Variants in STUM observed in about 807,000 individuals in gnomAD.
The protein encoded by STUM is stum, mechanosensory transduction mediator homolog, also known as protein stum homolog.
A neutral mutation model predicts 15.3 loss-of-function variants in STUM; 8 were observed. The observed-to-expected ratio is 0.52, with a 90% CI of 0.31 to 0.94. The LOEUF is 0.94. Among genes scored for constraint, STUM ranks in the 40% least tolerant of loss-of-function variants. The pLI is 0.05. For missense variants in STUM, 142 were observed against 204.9 expected (o/e 0.69, Z 1.87); for synonymous variants, 78 against 88.7 (o/e 0.88, Z 0.68).
Position 226,549,191 on chromosome 1 carries a change from C to A in STUM, c.202+85C>A. 1 of 1,196,938 alleles carries A rather than the reference C, an allele frequency of 8.4e-7. No homozygotes were observed. 74.1% of individuals were successfully genotyped at this position (1,196,938 alleles called of 1,614,324 possible). The stretch of plus-strand genomic sequence containing the variant: ...GAGAGAAGGGCGCGGCCGGAGACCT[C>A]CTGGCGGGGCCGCGCGCTCCAAGTG... On this transcript the variant is annotated intron_variant, in intron 1 of 3. Coordinates refer to ENST00000366788, the MANE Select transcript of STUM (RefSeq NM_001003665.4). This position sits in a 1 kb window ranked among gnomAD's most constrained non-coding sequence, Gnocchi z 6.8.
intron 1 of STUM, among the ~76,000 whole-genome samples, chr1:226,569,826 G>C (rs1003785717): frequency 6.6e-6 from 1 of 152,174 alleles, no homozygotes; most frequent in Non-Finnish European, 1.5e-5. Context: ...TGGGATCTGC[G>C]CTGTCTGGTA....
intron 1 of STUM, among the ~76,000 whole-genome samples, chr1:226,555,155 T>A (rs2102685434): frequency 6.6e-6 from 1 of 152,330 alleles, no homozygotes; most frequent in East Asian, 1.9e-4. Context: ...ACCTCTAAAC[T>A]TTAGAGCTCC....
At chr1:226,586,706 C>T (rs1293081519) in intron 1 of STUM, among the ~76,000 whole-genome samples, 1 of 152,190 alleles carries the variant, frequency 6.6e-6, no homozygotes, top group African/African-American at 2.4e-5. Context: ...GTCTACCCAT[C>T]CATGGAAATG....
intron 1 of STUM, among the ~76,000 whole-genome samples, chr1:226,569,337 C>T (rs1287647075): frequency 6.6e-6 from 1 of 152,206 alleles, no homozygotes; most frequent in Non-Finnish European, 1.5e-5. Context: ...AGCCAGCCCT[C>T]CCATTCCAGC....
At position 226,605,434 on chromosome 1, in the gene STUM, G is replaced by C. The variant is rs1668340915; in HGVS notation, c.*3394G>C. 1 of 152,400 alleles carries C rather than the reference G, an allele frequency of 6.6e-6. No individual in the cohort carries two copies. Among genetic ancestry groups the C allele is most frequent in the Non-Finnish European group, 1.5e-5 (1 of 68,184 alleles). 9.4% of individuals were successfully genotyped at this position (152,400 alleles called of 1,614,324 possible). A position where few individuals can be genotyped will look rare whatever the true frequency, so the allele number is the denominator to read the frequency against. ...CCACACACTCACTACAGCACTCCCA[G>C]AAGAAGGAGCAGAATCGCATGCAGC... On this transcript the variant is annotated 3_prime_UTR_variant, in exon 4 of 4. Transcript: ENST00000366788. The surrounding 1 kb of genome is among the most constrained non-coding windows in gnomAD (Gnocchi z 4.0).
chr1:226,572,171 A>G (rs1040058550), intron 1 of STUM, among the ~76,000 whole-genome samples: 2 of 152,210 alleles, frequency 1.3e-5, no homozygotes, highest in Non-Finnish European at 2.9e-5. Context: ...CATCAAAGAA[A>G]CAGGCACCAT....
intron 1 of STUM, among the ~76,000 whole-genome samples, chr1:226,583,512 C>CA (rs1182233038): frequency 6.6e-6 from 1 of 152,202 alleles, no homozygotes; most frequent in Non-Finnish European, 1.5e-5. Flanking sequence ...CAAGCAAGCA[C>CA]ACATGTCTAT....
intron 1 of STUM, among the ~76,000 whole-genome samples, chr1:226,562,280 C>T (rs1314996264): frequency 6.6e-6 from 1 of 151,810 alleles, no homozygotes; most frequent in East Asian, 1.9e-4. Context: ...ACTGGCCTGG[C>T]CAGCGTGATG....
chr1:226,601,688 G>A (rs1167263773), intron 3 of STUM, among the ~76,000 whole-genome samples: 1 of 152,170 alleles, frequency 6.6e-6, no homozygotes, highest in Non-Finnish European at 1.5e-5. Flanking sequence ...TCTGCACTGG[G>A]AAAGCACACC....
intron 1 of STUM, 53 bp from the exon 2 acceptor site, chr1:226,596,749 A>G: frequency 6.6e-7 from 1 of 1,523,962 alleles, no homozygotes; most frequent in East Asian, 2.3e-5. Flanking sequence ...GAGCACACAG[A>G]CCCCTTTGTC....
In STUM at chr1:226,549,894, C is replaced by G. The variant is rs998513259; in HGVS notation, c.202+788C>G. ...TGTCCCACGTTTTAAAGCAGAGGCC[C>G]CTTACAGAGATGGTGCAGGAGGGTG... On this transcript the variant is annotated intron_variant, in intron 1 of 3. Transcript: ENST00000366788. The surrounding 1 kb of genome is among the most constrained non-coding windows in gnomAD (Gnocchi z 6.8). Among the ~76,000 whole-genome samples, 1 of 152,146 alleles carries G rather than the reference C, an allele frequency of 6.6e-6. No individual in the cohort carries two copies. The highest frequency in any genetic ancestry group is 1.5e-5 in the Non-Finnish European group (1 of 68,034).
Position 226,600,058 on chromosome 1 carries a change from T to G in STUM, c.383-608T>G, listed in dbSNP as rs746764962. Among the ~76,000 whole-genome samples the G allele has an allele frequency of 6.6e-6, 1 of 152,126 alleles. No individual in the cohort carries two copies. Among genetic ancestry groups the G allele is most frequent in the Non-Finnish European group, 1.5e-5 (1 of 68,024 alleles). Reference sequence around the variant, plus strand: ...GGGCACATCAGCATCTTTAGATTGCTGTAGTCAAAGCTCTAGCTGTCCAGG... The same window carrying G: ...GGGCACATCAGCATCTTTAGATTGCGGTAGTCAAAGCTCTAGCTGTCCAGG... On this transcript the variant is annotated intron_variant, in intron 2 of 3. Transcript: ENST00000366788. This position sits in a 1 kb window ranked among gnomAD's most constrained non-coding sequence, Gnocchi z 5.2.
chr1:226,589,845 C>T (rs1668058236), intron 1 of STUM, among the ~76,000 whole-genome samples: 1 of 152,146 alleles, frequency 6.6e-6, no homozygotes, highest in African/African-American at 2.4e-5. Context: ...GAATCATGGA[C>T]TCATTTCTGA....
intron 2 of STUM, among the ~76,000 whole-genome samples, chr1:226,597,188 A>T (rs1030910007): frequency 2.0e-5 from 3 of 152,206 alleles, no homozygotes; most frequent in Non-Finnish European, 4.4e-5. Flanking sequence ...ACCTGCAGGG[A>T]ATTATGAGTG....
At chr1:226,568,898 C>A (rs1667663344) in intron 1 of STUM, among the ~76,000 whole-genome samples, 1 of 151,568 alleles carries the variant, frequency 6.6e-6, no homozygotes, top group African/African-American at 2.4e-5. Context: ...AGCAGAAACG[C>A]CGACCACACT....
At chr1:226,598,372 C>G (rs762908122) in intron 2 of STUM, among the ~76,000 whole-genome samples, 4 of 152,162 alleles carry the variant, frequency 2.6e-5, no homozygotes, top group Non-Finnish European at 5.9e-5. Context: ...CATCTTCTCT[C>G]AAACTGAGCA....
chr1:226,594,866 G>A (rs1668151421), intron 1 of STUM, among the ~76,000 whole-genome samples: 1 of 152,184 alleles, frequency 6.6e-6, no homozygotes, highest in Non-Finnish European at 1.5e-5. Context: ...ATGTTGGCCA[G>A]GCTGGTCCCA....
At chr1:226,555,794 C>T (rs942534208) in intron 1 of STUM, among the ~76,000 whole-genome samples, 2 of 152,108 alleles carry the variant, frequency 1.3e-5, no homozygotes, top group Non-Finnish European at 2.9e-5. Context: ...AGTAAAAGCT[C>T]GAGTCCTTAT....
intron 1 of STUM, among the ~76,000 whole-genome samples, chr1:226,581,654 A>C (rs1667920764): frequency 6.6e-6 from 1 of 151,936 alleles, no homozygotes; most frequent in Non-Finnish European, 1.5e-5. Flanking sequence ...ACACACAGAG[A>C]TGATGGTGGG....
Sources: gnomAD v4.1 joint callset for allele counts (sites outside exome capture counted in the v4.1 genomes callset) on GRCh38, gnomAD v4.1.1 for gene constraint, Gnocchi (gnomAD v3.1) non-coding constraint, MANE v1.5 for transcripts, NCBI Gene and HGNC (gene_info 2026-07-23, HGNC 2026-07-21) for gene names.